Variants in ATP2A2 observed in about 807,000 individuals in gnomAD.
ATP2A2 encodes the protein sarcoplasmic/endoplasmic reticulum calcium ATPase 2.
A neutral mutation model predicts 109.3 loss-of-function variants in ATP2A2; 14 were observed. The ratio of observed to expected loss-of-function variants is 0.13; its 90% CI spans 0.08 to 0.20. The LOEUF (loss-of-function observed/expected upper bound fraction) is 0.20. ATP2A2 is among the 10% of genes least tolerant of loss of function. ATP2A2 has a pLI of 1.00. For synonymous variants in ATP2A2, 506 were observed against 490.9 expected, an observed-to-expected ratio of 1.03 and a Z score of -0.41; for missense variants, 657 against 1,321.6, an observed-to-expected ratio of 0.50 and a Z score of 7.80.
At chr12:110,312,657 C>G (rs192734284) in intron 5 of ATP2A2, among the ~76,000 whole-genome samples, 31 of 152,090 alleles carry the variant, frequency 2.0e-4, no homozygotes, top group African/African-American at 6.3e-4. Context: ...CGAGACCAGC[C>G]TGGCCAACAC....
chr12:110,341,613 C>T (rs1879360020), intron 14 of ATP2A2, among the ~76,000 whole-genome samples: 1 of 151,962 alleles, frequency 6.6e-6, no homozygotes, highest in African/African-American at 2.4e-5. Context: ...GTGGCTCATG[C>T]CTGTAACCCC....
intron 6 of ATP2A2, chr12:110,326,097 A>G (rs1877775050): frequency 4.4e-6 from 2 of 450,090 alleles, no homozygotes; most frequent in Non-Finnish European, 4.1e-6. Context: ...TTACTGAAAA[A>G]TAAATTAATT....
chr12:110,293,367 CTTT>C (rs1178977431), intron 4 of ATP2A2, among the ~76,000 whole-genome samples: 74 of 79,926 alleles, frequency 9.3e-4, no homozygotes, highest in African/African-American at 1.8e-3. Flanking sequence ...CACTCCCGGC[CTTT>C]TTTTTTTTTT....
intron 3 of ATP2A2, among the ~76,000 whole-genome samples, chr12:110,286,093 T>G (rs1180080363): frequency 6.6e-6 from 1 of 152,034 alleles, no homozygotes; most frequent in Non-Finnish European, 1.5e-5. Flanking sequence ...CCGGCTAATT[T>G]TTGTATTTTT....
intron 4 of ATP2A2, among the ~76,000 whole-genome samples, chr12:110,294,092 G>A (rs1193571262): frequency 6.6e-6 from 1 of 151,610 alleles, no homozygotes; most frequent in Non-Finnish European, 1.5e-5. Flanking sequence ...CACCCAGGCT[G>A]GAGTGCAGTG....
Position 110,350,215 on chromosome 12 carries a change from T to TG in ATP2A2, c.*3745_*3746insG. 2.5e-6 allele frequency: 4 copies of TG among 1,613,860 alleles called. No individual in the cohort carries two copies. Among genetic ancestry groups the TG allele is most frequent in the Non-Finnish European group, 3.4e-6 (4 of 1,179,940 alleles). ...CCTTTTCATCTGTCGCTGTTGATCT[T>TG]CATCTATTTAAATAGGTATTCTAAC... is the stretch of plus-strand genomic sequence containing the variant. On this transcript the variant is annotated 3_prime_UTR_variant, in exon 20 of 20. Coordinates refer to ENST00000539276, the MANE Select transcript of ATP2A2 (RefSeq NM_170665.4).
At chr12:110,338,182 C>T (rs553303447) in intron 11 of ATP2A2, among the ~76,000 whole-genome samples, 2 of 152,292 alleles carry the variant, frequency 1.3e-5, no homozygotes, top group South Asian at 4.1e-4. Flanking sequence ...ATAGTTACTC[C>T]CATGATCTCT....
chr12:110,326,486 T>C lies in ATP2A2; in HGVS notation c.630+11T>C. 3 of 1,602,022 alleles carry C rather than the reference T, an allele frequency of 1.9e-6. No individual in the cohort carries two copies. Among genetic ancestry groups the C allele is most frequent in the East Asian group, 2.2e-5 (1 of 44,812 alleles). On this transcript the variant is annotated intron_variant, in intron 7 of 19. Coordinates refer to ENST00000539276, the MANE Select transcript of ATP2A2 (RefSeq NM_170665.4). ...AACATGCTGTTTTCTGTAAGTACTT[T>C]ATGAAATGTGTTTTTATTTACAGAC...
rs1422443759 is a variant in ATP2A2 at position 110,347,156 on chromosome 12, C to T, written c.*686C>T. Reference sequence around the variant, plus strand: ...CTCGCTTGTGCAGAAAACATTGTTCCAGATTCAATCGACTGGGTTTATGTC... The same window carrying T: ...CTCGCTTGTGCAGAAAACATTGTTCTAGATTCAATCGACTGGGTTTATGTC... On this transcript the variant is annotated 3_prime_UTR_variant, in exon 20 of 20. Transcript: ENST00000539276. 1 of 1,184,946 alleles carries T rather than the reference C, an allele frequency of 8.4e-7. No homozygotes were observed. The highest frequency in any genetic ancestry group is 1.6e-5 in the South Asian group (1 of 61,684). 73.4% of individuals were successfully genotyped at this position (1,184,946 alleles called of 1,614,324 possible).
intron 5 of ATP2A2, among the ~76,000 whole-genome samples, chr12:110,303,874 T>C (rs1031599574): frequency 1.3e-5 from 2 of 152,230 alleles, no homozygotes; most frequent in Non-Finnish European, 2.9e-5. Context: ...AATACAATTA[T>C]TGAATGCCAG....
At chr12:110,286,123 T>G (rs1872640480) in intron 3 of ATP2A2, among the ~76,000 whole-genome samples, 1 of 151,978 alleles carries the variant, frequency 6.6e-6, no homozygotes, top group Non-Finnish European at 1.5e-5. Context: ...GGGGTTTACC[T>G]TTGTTGGCCA....
intron 4 of ATP2A2, 135 bp downstream of exon 4, chr12:110,292,259 C>T (rs1873396034): frequency 5.4e-6 from 4 of 734,466 alleles, no homozygotes; most frequent in African/African-American, 1.8e-5. Flanking sequence ...ATGTATTTTC[C>T]CTTTATTCCA....
intron 5 of ATP2A2, among the ~76,000 whole-genome samples, chr12:110,318,934 G>A (rs1876951131): frequency 6.6e-6 from 1 of 152,160 alleles, no homozygotes; most frequent in African/African-American, 2.4e-5. Context: ...TGATAGATGA[G>A]AAACAGCACA....
intron 4 of ATP2A2, among the ~76,000 whole-genome samples, chr12:110,294,832 T>G (rs1390213035): frequency 6.6e-6 from 1 of 152,092 alleles, no homozygotes; most frequent in African/African-American, 2.4e-5. Flanking sequence ...GGGCTTTATT[T>G]TTTTTAAGAC....
intron 6 of ATP2A2, among the ~76,000 whole-genome samples, chr12:110,324,224 A>G (rs1353460314): frequency 6.6e-6 from 1 of 152,174 alleles, no homozygotes; most frequent in East Asian, 1.9e-4. Flanking sequence ...AAAAGCAGCT[A>G]ATGTCATGGA....
At chr12:110,341,184 C>T (rs1195822114) in intron 14 of ATP2A2, among the ~76,000 whole-genome samples, 190 bp downstream of exon 14, 1 of 152,064 alleles carries the variant, frequency 6.6e-6, no homozygotes, top group African/African-American at 2.4e-5. Flanking sequence ...ATCCTAGAGT[C>T]GTTTAAAACC....
At chr12:110,294,130 G>A (rs1329800552) in intron 4 of ATP2A2, among the ~76,000 whole-genome samples, 4 of 151,582 alleles carry the variant, frequency 2.6e-5, no homozygotes, top group East Asian at 2.0e-4. Flanking sequence ...TGCAAGCTCC[G>A]CCTCCCGGGC....
intron 5 of ATP2A2, among the ~76,000 whole-genome samples, chr12:110,305,025 C>CT (rs1464662014): frequency 1.3e-5 from 2 of 151,978 alleles, no homozygotes; most frequent in Non-Finnish European, 2.9e-5. Context: ...CCTCCGCCTC[C>CT]TGGGTTCAAG....
chr12:110,339,790 A>G lies in ATP2A2; in HGVS notation c.1761+69A>G, dbSNP rs1592859696. On this transcript the variant is annotated intron_variant, in intron 13 of 19. Transcript: ENST00000539276. This position sits in a 1 kb window ranked among gnomAD's most constrained non-coding sequence, Gnocchi z 4.4. Reference sequence around the variant, plus strand: ...ATTGTGTTTAAACAGTACTCCTTCAAGCAAAAGGTCAAACAGTTCTCACTT... The same window carrying G: ...ATTGTGTTTAAACAGTACTCCTTCAGGCAAAAGGTCAAACAGTTCTCACTT... The G allele has an allele frequency of 6.6e-7, 1 of 1,510,106 alleles. No homozygotes were observed. Among genetic ancestry groups the G allele is most frequent in the East Asian group, 2.3e-5 (1 of 44,184 alleles). The allele number at this position is 1,510,106 out of a possible 1,614,324, so 93.5% of individuals were successfully genotyped here.
Sources: gnomAD v4.1 joint callset for allele counts (sites outside exome capture counted in the v4.1 genomes callset) on GRCh38, gnomAD v4.1.1 for gene constraint, Gnocchi (gnomAD v3.1) non-coding constraint, MANE v1.5 for transcripts, NCBI Gene and HGNC (gene_info 2026-07-23, HGNC 2026-07-21) for gene names.